The following CLEC4A variants were observed in gnomAD, a reference collection of about 807,000 sequenced individuals.
CLEC4A encodes the protein C-type lectin domain family 4 member A, also known as C-type (calcium dependent, carbohydrate-recognition domain) lectin, superfamily member 6.
In CLEC4A, 27 loss-of-function variants were observed where a neutral mutation model predicts 32.7. That is an observed-to-expected ratio of 0.83 (90% CI 0.61 to 1.14). The LOEUF (loss-of-function observed/expected upper bound fraction) is 1.14. Ranked by LOEUF, CLEC4A falls within the 50% of genes most tolerant of loss-of-function variation. The pLI, the probability that CLEC4A is intolerant of heterozygous loss-of-function variation, is 0.00. For missense variants in CLEC4A, 253 were observed against 274.6 expected (o/e 0.92, Z 0.55); for synonymous variants, 89 against 93.7 (o/e 0.95, Z 0.29).
At chr12:8,117,386 TC>T in the CLEC4A span, among the ~76,000 whole-genome samples, 1 of 152,012 alleles carries the variant, frequency 6.6e-6, no homozygotes, top group African/African-American at 2.4e-5. Flanking sequence ...TTACAGGTGC[TC>T]ATCACCACAC....
intron 3 of CLEC4A, among the ~76,000 whole-genome samples, chr12:8,135,045 A>ATTTTTTTTTTT (rs1565406500): frequency 4.0e-4 from 2 of 4,968 alleles, no homozygotes; most frequent in Non-Finnish European, 9.5e-4. Flanking sequence ...CAATTTTATT[A>ATTTTTTTTTTT]TCTTTTTTTT....
At chr12:8,118,025 G>T in the CLEC4A span, among the ~76,000 whole-genome samples, 1 of 151,822 alleles carries the variant, frequency 6.6e-6, no homozygotes, top group Non-Finnish European at 1.5e-5. Context: ...GAGGACCTCA[G>T]TATTTTAAGG....
rs371181779 is a variant in CLEC4A, at chr12:8,134,973, G to GTTTTTTTTTTTTT, written c.299-607_299-606insTTTTTTTTTTTTT. The GTTTTTTTTTTTTT allele has an allele frequency of 2.4e-4, 78 of 318,808 alleles. 3 individuals carry two copies. The African/African-American group carries it at 3.3e-3, about 13-fold the overall frequency. The allele number at this position is 318,808 out of a possible 1,614,324, so 19.7% of individuals were successfully genotyped here. On this transcript the variant is annotated intron_variant, in intron 3 of 5. Coordinates refer to ENST00000229332, the MANE Select transcript of CLEC4A (RefSeq NM_016184.4). The stretch of plus-strand genomic sequence containing the variant: ...CATGTCTGTATCTTCTTGTTGAAGC[G>GTTTTTTTTTTTTT]TTTTTGTTTTTTGTTTTTTTTTAAT...
the CLEC4A span, among the ~76,000 whole-genome samples, chr12:8,104,845 A>G: frequency 6.6e-6 from 1 of 152,098 alleles, no homozygotes; most frequent in Non-Finnish European, 1.5e-5. Flanking sequence ...CTATTCCTGC[A>G]TTAGTTCACT....
At chr12:8,108,008 T>G in the CLEC4A span, among the ~76,000 whole-genome samples, 1 of 152,174 alleles carries the variant, frequency 6.6e-6, no homozygotes, top group Non-Finnish European at 1.5e-5. Context: ...TTCTAACCTT[T>G]TGATGTGGGC....
the CLEC4A span, among the ~76,000 whole-genome samples, chr12:8,104,318 T>C: frequency 2.0e-4 from 30 of 152,380 alleles, no homozygotes; most frequent in African/African-American, 7.2e-4. Context: ...TTTTCCTTTT[T>C]TCATTCCAGT....
intron 3 of CLEC4A, chr12:8,134,323 C>T: frequency 6.2e-7 from 1 of 1,611,938 alleles, no homozygotes. Flanking sequence ...GGCTGAACAC[C>T]TTCCCAAATA....
At chr12:8,105,436 A>C in the CLEC4A span, among the ~76,000 whole-genome samples, 2 of 147,554 alleles carry the variant, frequency 1.4e-5, no homozygotes, top group South Asian at 4.3e-4. Context: ...TGCAACCTCC[A>C]CCTCCCAGGT....
At chr12:8,119,652 G>C (rs1192309123), upstream of CLEC4A, among the ~76,000 whole-genome samples, 1 of 152,230 alleles carries the variant, frequency 6.6e-6, no homozygotes, top group Non-Finnish European at 1.5e-5. Flanking sequence ...ACAGTGAACA[G>C]AATGGTCACT....
At chr12:8,137,205 G>A (rs750707120) in intron 5 of CLEC4A, among the ~76,000 whole-genome samples, 3 of 152,136 alleles carry the variant, frequency 2.0e-5, no homozygotes, top group Non-Finnish European at 4.4e-5. Flanking sequence ...CTTTTAACCC[G>A]TATATTTACC....
intron 3 of CLEC4A, chr12:8,133,701 A>G: frequency 4.5e-6 from 7 of 1,572,214 alleles, no homozygotes; most frequent in Non-Finnish European, 6.0e-6. Flanking sequence ...AAGCCCTGGC[A>G]CAAACTCCAG....
At chr12:8,133,823 G>T in intron 3 of CLEC4A, 3 of 1,585,100 alleles carry the variant, frequency 1.9e-6, no homozygotes, top group Non-Finnish European at 2.6e-6. Context: ...AGGGGGAAAG[G>T]CTTCCCCCTC....
At position 8,135,613 on chromosome 12, in the gene CLEC4A, T is replaced by C; in HGVS notation, c.327T>C (p.Asn109=). Residue 109 remains asparagine (N), a synonymous_variant, in exon 4 of 6, where the codon AAT becomes AAC. Coordinates refer to ENST00000229332, the MANE Select transcript of CLEC4A (RefSeq NM_016184.4). The part of the protein sequence containing the change: ...EETAWSCCPK[N]WKSFSSNCYF... ...CAGCCTGGAGCTGTTGCCCAAAGAA[T>C]TGGAAGTCATTTAGTTCCAACTGCT... 2 of 1,614,166 alleles carry C rather than the reference T, an allele frequency of 1.2e-6. No homozygotes were observed. Among genetic ancestry groups the C allele is most frequent in the Non-Finnish European group, 1.7e-6 (2 of 1,180,008 alleles).
At chr12:8,129,125 G>A in intron 2 of CLEC4A, 139 bp from the exon 3 acceptor site, 1 of 587,184 alleles carries the variant, frequency 1.7e-6, no homozygotes, top group Non-Finnish European at 3.0e-6. Flanking sequence ...TATAGTTTCA[G>A]TATGGGAAAT....
the CLEC4A span, among the ~76,000 whole-genome samples, chr12:8,104,158 G>GA: frequency 3.7e-5 from 3 of 80,594 alleles, no homozygotes; most frequent in South Asian, 5.2e-4. Context: ...CATAGTGGCA[G>GA]AAAATCTCAT....
At chr12:8,117,232 C>CT in the CLEC4A span, among the ~76,000 whole-genome samples, 20 of 147,892 alleles carry the variant, frequency 1.4e-4, no homozygotes, top group African/African-American at 4.5e-4. Flanking sequence ...TTGGGCTCTT[C>CT]TTTTTTTTTT....
intron 3 of CLEC4A, among the ~76,000 whole-genome samples, chr12:8,133,433 C>A (rs1379938949): frequency 6.6e-6 from 1 of 151,956 alleles, no homozygotes; most frequent in Non-Finnish European, 1.5e-5. Context: ...CTATCCCCTT[C>A]ATTCTGCTGA....
intron 2 of CLEC4A, among the ~76,000 whole-genome samples, chr12:8,128,102 T>A (rs1170194803): frequency 6.6e-6 from 1 of 152,062 alleles, no homozygotes; most frequent in Admixed American, 6.6e-5. Context: ...CGGATAAGGA[T>A]GGAACTCTGG....
chr12:8,124,163 C>T (rs1418243333), intron 1 of CLEC4A, among the ~76,000 whole-genome samples: 1 of 152,116 alleles, frequency 6.6e-6, no homozygotes, highest in Non-Finnish European at 1.5e-5. Flanking sequence ...AGATTTTGTG[C>T]CACTCTCTTC....
Sources: gnomAD v4.1 joint callset for allele counts (sites outside exome capture counted in the v4.1 genomes callset) on GRCh38, gnomAD v4.1.1 for gene constraint, MANE v1.5 for transcripts, NCBI Gene and HGNC (gene_info 2026-07-23, HGNC 2026-07-21) for gene names.